KCTD1: variants seen among roughly 807,000 people sequenced by gnomAD.
KCTD1 encodes potassium channel tetramerization domain containing 1.
A neutral mutation model predicts 66.0 loss-of-function variants in KCTD1; 24 were observed. That is an observed-to-expected ratio of 0.36 (90% CI 0.26 to 0.51). The LOEUF (loss-of-function observed/expected upper bound fraction) is 0.51. Ranked by LOEUF, KCTD1 falls within the 20% of genes least tolerant of loss-of-function variation. The pLI is 0.95. For missense variants in KCTD1, 943 were observed against 1,205.2 expected (o/e 0.78, Z 3.22); for synonymous variants, 511 against 517.2 (o/e 0.99, Z 0.16).
upstream of KCTD1, among the ~76,000 whole-genome samples, chr18:26,643,956 T>C (rs767160890): frequency 5.9e-5 from 9 of 151,448 alleles, no homozygotes; most frequent in Non-Finnish European, 1.3e-4. Context: ...AGTGAGACTC[T>C]GTCTCAAAAA....
intron 2 of KCTD1, among the ~76,000 whole-genome samples, chr18:26,479,693 AT>A (rs1294808240): frequency 6.6e-6 from 1 of 152,210 alleles, no homozygotes; most frequent in Non-Finnish European, 1.5e-5. Flanking sequence ...AGGGCTGCTG[AT>A]TTCTGCCAAC....
chr18:26,496,739 T>TACAC (rs1982491836), intron 2 of KCTD1, among the ~76,000 whole-genome samples: 1 of 113,450 alleles, frequency 8.8e-6, no homozygotes, highest in African/African-American at 3.6e-5. Flanking sequence ...AAAAAGCATG[T>TACAC]GCACACACAC....
chr18:26,654,244 GATAA>G (rs1453214044), intron 1 of KCTD1, among the ~76,000 whole-genome samples: 4 of 151,950 alleles, frequency 2.6e-5, no homozygotes, highest in African/African-American at 4.8e-5. Context: ...AATTGCTTTG[GATAA>G]ATAATTTGAT....
At chr18:26,542,702 G>C (rs1298137211) in intron 1 of KCTD1, among the ~76,000 whole-genome samples, 1 of 152,138 alleles carries the variant, frequency 6.6e-6, no homozygotes, top group African/African-American at 2.4e-5. Flanking sequence ...GGTGACATTT[G>C]CTTGGGGAGT....
chr18:26,485,934 C>G (rs990603454), intron 2 of KCTD1, among the ~76,000 whole-genome samples: 1 of 150,716 alleles, frequency 6.6e-6, no homozygotes, highest in Non-Finnish European at 1.5e-5. Context: ...CTAATTTAAT[C>G]CTTTTTTTTT....
intron 1 of KCTD1, among the ~76,000 whole-genome samples, chr18:26,515,351 T>C (rs1026100162): frequency 6.6e-6 from 1 of 152,156 alleles, no homozygotes; most frequent in African/African-American, 2.4e-5. Context: ...CAGCAATATT[T>C]AGATTAGTTG....
intron 1 of KCTD1, among the ~76,000 whole-genome samples, chr18:26,533,827 T>TAAAA (rs143763803): frequency 2.3e-5 from 3 of 130,452 alleles, no homozygotes; most frequent in Non-Finnish European, 4.8e-5. Flanking sequence ...AGCTATTATT[T>TAAAA]AAAAAAAAAA....
intron 1 of KCTD1, among the ~76,000 whole-genome samples, chr18:26,594,246 A>T (rs1162188712): frequency 6.6e-6 from 1 of 152,192 alleles, no homozygotes; most frequent in East Asian, 1.9e-4. Context: ...AGGGGAAGTT[A>T]GCCTAAATCA....
chr18:26,525,964 C>A (rs776515336), intron 1 of KCTD1, among the ~76,000 whole-genome samples: 5 of 152,120 alleles, frequency 3.3e-5, no homozygotes, highest in African/African-American at 7.2e-5. Flanking sequence ...GAGGGCAGGG[C>A]GCTTGTCATC....
At chr18:26,555,097 G>A (rs527562796) in intron 1 of KCTD1, among the ~76,000 whole-genome samples, 69 of 152,154 alleles carry the variant, frequency 4.5e-4, no homozygotes, top group Non-Finnish European at 9.0e-4. Context: ...AAAGGTATGT[G>A]ATAATATGTC....
At chr18:26,570,191 A>AAAATATATATATATAT (rs776923644) in intron 1 of KCTD1, among the ~76,000 whole-genome samples, 1 of 132,544 alleles carries the variant, frequency 7.5e-6, no homozygotes, top group Non-Finnish European at 1.6e-5. Context: ...ATCTAAAAAA[A>AAAATATATATATATAT]ATATATATAT....
chr18:26,605,727 T>G (rs1986997976), intron 1 of KCTD1, among the ~76,000 whole-genome samples: 1 of 76,486 alleles, frequency 1.3e-5, no homozygotes, highest in Admixed American at 1.4e-4. Flanking sequence ...TATCTCTATA[T>G]CTATCTATCT....
chr18:26,475,166 T>A (rs1165897756), intron 3 of KCTD1, among the ~76,000 whole-genome samples: 2 of 152,238 alleles, frequency 1.3e-5, no homozygotes, highest in Non-Finnish European at 2.9e-5. Flanking sequence ...TGTTTTGACG[T>A]TGATAGGACA....
At chr18:26,500,932 T>G (rs1276633805) in intron 2 of KCTD1, 140 bp downstream of exon 2, 1 of 818,958 alleles carries the variant, frequency 1.2e-6, no homozygotes, top group Non-Finnish European at 1.9e-6. Flanking sequence ...ACATCCAGCC[T>G]AGGCAGCAGG....
chr18:26,561,477 T>C (rs971880122), intron 1 of KCTD1, among the ~76,000 whole-genome samples: 1 of 152,168 alleles, frequency 6.6e-6, no homozygotes, highest in Non-Finnish European at 1.5e-5. Context: ...ATTGTAGATA[T>C]ATGTTCTGGG....
chr18:26,654,687 C>T (rs1353634516), intron 1 of KCTD1, among the ~76,000 whole-genome samples: 1 of 152,108 alleles, frequency 6.6e-6, no homozygotes, highest in Non-Finnish European at 1.5e-5. Flanking sequence ...AATTTCTTCC[C>T]GGCTGTGTGA....
intron 1 of KCTD1, among the ~76,000 whole-genome samples, chr18:26,535,372 C>A (rs746019612): frequency 4.6e-5 from 7 of 152,148 alleles, no homozygotes; most frequent in Non-Finnish European, 1.0e-4. Flanking sequence ...ACCACAGAAA[C>A]AGAGGACTGG....
intron 1 of KCTD1, among the ~76,000 whole-genome samples, chr18:26,513,236 C>T (rs973834942): frequency 1.3e-4 from 20 of 151,612 alleles, no homozygotes; most frequent in African/African-American, 1.7e-4. Flanking sequence ...TACAGGCGCC[C>T]GCAACCACGC....
At chr18:26,610,486 G>A (rs1987110468) in intron 1 of KCTD1, among the ~76,000 whole-genome samples, 1 of 152,092 alleles carries the variant, frequency 6.6e-6, no homozygotes, top group African/African-American at 2.4e-5. Flanking sequence ...GGTGATGCAG[G>A]AGGATTGTTT....
Sources: gnomAD v4.1 joint callset for allele counts (sites outside exome capture counted in the v4.1 genomes callset) on GRCh38, gnomAD v4.1.1 for gene constraint, MANE v1.5 for transcripts, NCBI Gene and HGNC (gene_info 2026-07-23, HGNC 2026-07-21) for gene names.